UBE2L3: variants seen among roughly 807,000 people sequenced by gnomAD.
UBE2L3 encodes ubiquitin conjugating enzyme E2 L3.
Under a neutral mutation model 17.8 loss-of-function variants are expected in UBE2L3, and 1 was observed. The observed-to-expected ratio is 0.06, with a 90% CI of 0.02 to 0.27. UBE2L3 has a LOEUF of 0.27. Among genes scored for constraint, UBE2L3 ranks in the 10% least tolerant of loss-of-function variants. The probability of loss-of-function intolerance (pLI) is 1.00; values close to 1 mark genes in which losing one functional copy is unlikely to be tolerated. For synonymous variants in UBE2L3, 44 were observed against 68.5 expected (o/e 0.64, Z 1.76); for missense variants, 40 against 192.6 (o/e 0.21, Z 4.69).
intron 2 of UBE2L3, among the ~76,000 whole-genome samples, chr22:21,601,846 C>T (rs1268395609): frequency 2.0e-5 from 3 of 151,820 alleles, no homozygotes; most frequent in African/African-American, 7.3e-5. Context: ...GTGGTGGGCG[C>T]CTGTAGTCCC....
intron 1 of UBE2L3, among the ~76,000 whole-genome samples, chr22:21,582,776 A>G (rs909167367): frequency 2.0e-5 from 3 of 152,190 alleles, no homozygotes; most frequent in Admixed American, 2.0e-4. Flanking sequence ...CACCTGCCTC[A>G]GCCTCCCAAA....
chr22:21,621,770 C>T lies in UBE2L3; in HGVS notation c.*101C>T, dbSNP rs146584762. On this transcript the variant is annotated 3_prime_UTR_variant, in exon 4 of 4. Coordinates refer to ENST00000342192, the MANE Select transcript of UBE2L3 (RefSeq NM_003347.4). ...CTCTGTGGAAATTGACACGTGCCAC[C>T]GCCTGGCGTTCGCTTGTGGCAGTTA... 5.1e-3 allele frequency: 4,420 copies of T among 859,090 alleles called. 21 individuals carry two copies. The highest frequency in any genetic ancestry group is 7.7e-3 in the Admixed American group (250 of 32,668). 53.2% of individuals were successfully genotyped at this position (859,090 alleles called of 1,614,324 possible).
chr22:21,590,937 C>T (rs1270672307), intron 1 of UBE2L3, among the ~76,000 whole-genome samples: 1 of 152,230 alleles, frequency 6.6e-6, no homozygotes, highest in Non-Finnish European at 1.5e-5. Flanking sequence ...AGGACCAGGG[C>T]TTCCTGATCC....
intron 3 of UBE2L3, among the ~76,000 whole-genome samples, chr22:21,617,161 AAAG>A (rs1161623198): frequency 6.6e-6 from 1 of 151,762 alleles, no homozygotes; most frequent in African/African-American, 2.4e-5. Flanking sequence ...AAAAAAAAAA[AAAG>A]AAAAGGAACA....
At chr22:21,620,908 T>C (rs1930012819) in intron 3 of UBE2L3, among the ~76,000 whole-genome samples, 1 of 152,092 alleles carries the variant, frequency 6.6e-6, no homozygotes, top group Admixed American at 6.6e-5. Context: ...GCAGGGAAGT[T>C]CTACCCGGTC....
intron 3 of UBE2L3, among the ~76,000 whole-genome samples, chr22:21,615,294 G>A (rs1432821058): frequency 3.9e-5 from 6 of 152,102 alleles, no homozygotes; most frequent in Admixed American, 6.5e-5. Flanking sequence ...GGTGGCTCAC[G>A]CCTGTAGTCC....
At chr22:21,562,898 A>G (rs901048060), upstream of UBE2L3, among the ~76,000 whole-genome samples, 7 of 151,732 alleles carry the variant, frequency 4.6e-5, no homozygotes, top group Non-Finnish European at 2.9e-5. Context: ...CATGTGGTCA[A>G]TGGGAGCAGA....
intron 2 of UBE2L3, among the ~76,000 whole-genome samples, chr22:21,609,300 C>T (rs2148440260): frequency 6.6e-6 from 1 of 152,316 alleles, no homozygotes; most frequent in East Asian, 1.9e-4. Context: ...CACACAGATG[C>T]TTATAACAGC....
Position 21,604,208 on chromosome 22 carries a change from T to C in UBE2L3, c.124-6649T>C, listed in dbSNP as rs117939141. Among the ~76,000 whole-genome samples the C allele has an allele frequency of 4.7e-4, 71 of 152,242 alleles. 2 individuals are homozygous for C. The East Asian group carries it at 0.013, about 29-fold the overall frequency. On this transcript the variant is annotated intron_variant, in intron 2 of 3. Transcript: ENST00000342192. Reference sequence around the variant, plus strand: ...ACTAGTCGTGTTCATGTGAAGATAATGCTGAAATCAGCTGGGCGTAGTGGC... The same window carrying C: ...ACTAGTCGTGTTCATGTGAAGATAACGCTGAAATCAGCTGGGCGTAGTGGC...
At chr22:21,620,808 C>A (rs187766607) in intron 3 of UBE2L3, among the ~76,000 whole-genome samples, 12 of 152,120 alleles carry the variant, frequency 7.9e-5, no homozygotes. Context: ...ACAAGTGCAG[C>A]GCCATCACAT....
At chr22:21,612,427 G>A (rs893772786) in intron 3 of UBE2L3, among the ~76,000 whole-genome samples, 3 of 152,020 alleles carry the variant, frequency 2.0e-5, no homozygotes, top group African/African-American at 4.8e-5. Context: ...CCGAGTTCGC[G>A]CCATTCTCCT....
chr22:21,621,464 G>A (rs745847541), intron 3 of UBE2L3, 51 bp from the exon 4 acceptor site: 10 of 1,534,686 alleles, frequency 6.5e-6, no homozygotes, highest in Non-Finnish European at 8.7e-6. Context: ...TCTTGCCTGT[G>A]CCATTTCTGA....
At chr22:21,562,287 C>T (rs1292561023) in intron 1 of UBE2L3, among the ~76,000 whole-genome samples, 2 of 151,560 alleles carry the variant, frequency 1.3e-5, no homozygotes, top group Admixed American at 6.6e-5. Flanking sequence ...CTCCACCTCC[C>T]GGGTTCATGC....
chr22:21,563,070 C>G (rs1210411151), upstream of UBE2L3, among the ~76,000 whole-genome samples: 1 of 150,618 alleles, frequency 6.6e-6, no homozygotes, highest in African/African-American at 2.4e-5. Context: ...GGTGAAACCC[C>G]GTCTCTACTA....
upstream of UBE2L3, among the ~76,000 whole-genome samples, chr22:21,566,794 G>A (rs941613832): frequency 2.0e-5 from 3 of 151,894 alleles, no homozygotes; most frequent in African/African-American, 7.3e-5. Flanking sequence ...TCCTCTGCTT[G>A]AAACATTCTC....
intron 1 of UBE2L3, among the ~76,000 whole-genome samples, chr22:21,576,843 G>A (rs1195937962): frequency 1.0e-4 from 13 of 127,160 alleles, no homozygotes; most frequent in African/African-American, 3.7e-4. Flanking sequence ...TCGCTCTGTC[G>A]CCCAAGCTGG....
chr22:21,607,686 A>G (rs189715762), intron 2 of UBE2L3, among the ~76,000 whole-genome samples: 17 of 152,152 alleles, frequency 1.1e-4, no homozygotes, highest in African/African-American at 4.1e-4. Context: ...GGAGAGGCCA[A>G]AAGACTCTTT....
At chr22:21,560,740 C>T (rs1325765222) in intron 1 of UBE2L3, among the ~76,000 whole-genome samples, 5 of 150,564 alleles carry the variant, frequency 3.3e-5, no homozygotes, top group Non-Finnish European at 7.4e-5. Context: ...CATGAGCCAC[C>T]GCTCCCGGGC....
chr22:21,572,054 A>T (rs1926998024), intron 1 of UBE2L3, among the ~76,000 whole-genome samples: 1 of 152,056 alleles, frequency 6.6e-6, no homozygotes, highest in Non-Finnish European at 1.5e-5. Context: ...CCTTAATGGT[A>T]TTCTTTGTAA....
Sources: allele counts gnomAD v4.1 joint callset (sites outside exome capture counted in the v4.1 genomes callset), GRCh38; gene constraint gnomAD v4.1.1; transcripts MANE v1.5; gene names NCBI Gene and HGNC (gene_info 2026-07-23, HGNC 2026-07-21).